GDF10: variants seen among roughly 807,000 people sequenced by gnomAD.
GDF10 encodes growth/differentiation factor 10.
GDF10 carries 23 observed loss-of-function variants against 32.1 expected under a neutral mutation model. The observed-to-expected ratio is 0.72, with a 90% CI of 0.52 to 1.02. GDF10 has a LOEUF of 1.02. Among genes scored for constraint, GDF10 ranks in the 50% least tolerant of loss-of-function variants. GDF10 has a pLI of 0.00. For synonymous variants in GDF10, 328 were observed against 303.1 expected (o/e 1.08, Z -0.85); for missense variants, 764 against 673.9 (o/e 1.13, Z -1.48).
intron 1 of GDF10, among the ~76,000 whole-genome samples, chr10:47,305,560 C>T (rs1403323931): frequency 6.6e-6 from 1 of 152,226 alleles, no homozygotes; most frequent in Admixed American, 6.5e-5. Context: ...CATCTAAGCC[C>T]AGCGTTCTCA....
At position 47,310,135 on chromosome 10, in the gene GDF10, T is replaced by C. The variant is rs1555207534; in HGVS notation, c.659T>C (p.Leu220Pro). The C allele has an allele frequency of 6.2e-7, 1 of 1,611,360 alleles. No individual in the cohort carries two copies. Among genetic ancestry groups the C allele is most frequent in the African/African-American group, 1.3e-5 (1 of 74,890 alleles). The part of the protein sequence containing the change: ...VKAARRDGEL[L>P]LSAQLDSEER... ...GCGGCCCGCCGGGATGGCGAGCTGC[T>C]CCTCTCCGCCCAGCTGGATTCTGAG... Residue 220 changes from leucine (L) to proline (P), a missense_variant, in exon 2 of 3, where the codon CTC (leucine) becomes CCC (proline). Leu to Pro is a moderately conservative substitution (Grantham distance 98). Transcript: ENST00000580279.
Position 47,312,608 on chromosome 10 carries a change from G to A in GDF10, c.1253G>A (p.Arg418His), listed in dbSNP as rs200784028. ...TCCTTTTCTGCCTTGCAGATCGTTC[G>A]TCCATCCAACCATGCCACCATCCAG... ...ACEFPMPKIV[R>H]PSNHATIQSI... The change falls in exon 3 of 3, where the codon CGT (arginine) becomes CAT (histidine). Residue 418 changes from arginine (R) to histidine (H), a missense_variant. Arg to His is a conservative substitution (Grantham distance 29). Coordinates refer to ENST00000580279, the MANE Select transcript of GDF10 (RefSeq NM_004962.5). 3.9e-5 allele frequency: 61 copies of A among 1,581,952 alleles called. No individual in the cohort carries two copies. Among genetic ancestry groups the A allele is most frequent in the South Asian group, 2.3e-4 (20 of 85,226 alleles).
chr10:47,306,316 A>G (rs2061022893), intron 1 of GDF10, among the ~76,000 whole-genome samples: 1 of 152,228 alleles, frequency 6.6e-6, no homozygotes, highest in Admixed American at 6.5e-5. Flanking sequence ...CTCCATTTGG[A>G]TTTGCATCAT....
intron 1 of GDF10, among the ~76,000 whole-genome samples, chr10:47,307,788 G>T (rs1278718796): frequency 6.6e-6 from 1 of 152,258 alleles, no homozygotes; most frequent in African/African-American, 2.4e-5. Flanking sequence ...GTGTTGGCTG[G>T]GTTGCAGCTC....
intron 1 of GDF10, among the ~76,000 whole-genome samples, chr10:47,305,225 A>C (rs1202366551): frequency 6.6e-6 from 1 of 152,208 alleles, no homozygotes; most frequent in Non-Finnish European, 1.5e-5. Flanking sequence ...GAGGGTGGCA[A>C]TAGTTCCTGA....
At chr10:47,303,150 G>T (rs2061010421) in intron 1 of GDF10, among the ~76,000 whole-genome samples, 1 of 152,184 alleles carries the variant, frequency 6.6e-6, no homozygotes, top group Non-Finnish European at 1.5e-5. Context: ...GTCTGAGGAG[G>T]TATGAGTTTG....
intron 1 of GDF10, among the ~76,000 whole-genome samples, chr10:47,307,845 A>G (rs1555207262): frequency 6.6e-6 from 1 of 152,208 alleles, no homozygotes; most frequent in Non-Finnish European, 1.5e-5. Context: ...GATGGAGGGG[A>G]GCTTGCTCTG....
In GDF10 at chr10:47,300,824, G is replaced by A. The variant is rs2061001828; in HGVS notation, c.173G>A (p.Arg58Gln). The A allele has an allele frequency of 2.5e-6, 4 of 1,572,526 alleles. No homozygotes were observed. In the South Asian group the frequency reaches 3.4e-5, roughly 14 times the overall value. ...DGLQGDRDLQRHPGDAAATLG... is the reference protein window; with the variant it reads ...DGLQGDRDLQQHPGDAAATLG... ...CTGCAGGGGGACAGGGATCTCCAGC[G>A]GCACCCTGGGGACGCGGCCGCCACG... is the stretch of plus-strand genomic sequence containing the variant. The change falls in exon 1 of 3, where the codon CGG becomes CAG. Residue 58 changes from arginine to glutamine, a missense_variant. Coordinates refer to ENST00000580279, the MANE Select transcript of GDF10 (RefSeq NM_004962.5).
rs570511590 is a variant in GDF10 at position 47,300,973 on chromosome 10, A to AAGTAG, written c.319+6_319+10dup. On this transcript the variant is annotated splice_donor_region_variant and intron_variant, in intron 1 of 2. Transcript: ENST00000580279. ...CCGCAGCTTCAGGGCCAGGCTGGGTAAGTAGAGGGTGCCCCAGGACCCCTT... is the reference window on the plus strand; with the variant it reads ...CCGCAGCTTCAGGGCCAGGCTGGGTAAGTAGAGTAGAGGGTGCCCCAGGACCCCTT... The AAGTAG allele has an allele frequency of 5.6e-5, 82 of 1,469,752 alleles. 1 individual carries two copies. In the South Asian group the frequency reaches 1.1e-3, roughly 20 times the overall value. 91.0% of individuals were successfully genotyped at this position (1,469,752 alleles called of 1,614,324 possible). A position where few individuals can be genotyped will look rare whatever the true frequency, so the allele number is the denominator to read the frequency against.
rs782431049 is a variant in GDF10 at position 47,300,665 on chromosome 10, C to G, written c.14C>G (p.Pro5Arg). MAHV[P>R]ARTSPGPGPQ... ...CCTCACCACGCCATGGCTCATGTCCCCGCTCGGACCAGCCCGGGACCCGGG... is the reference window on the plus strand; with the variant it reads ...CCTCACCACGCCATGGCTCATGTCCGCGCTCGGACCAGCCCGGGACCCGGG... The change falls in exon 1 of 3, where the codon CCC becomes CGC. Residue 5 changes from proline to arginine, a missense_variant. Pro to Arg is a moderately radical substitution (Grantham distance 103, BLOSUM62 -2). Transcript: ENST00000580279. The G allele has an allele frequency of 5.0e-6, 8 of 1,599,824 alleles. No homozygotes were observed. Among genetic ancestry groups the G allele is most frequent in the Non-Finnish European group, 6.8e-6 (8 of 1,175,356 alleles).
chr10:47,313,039 C>G lies in GDF10; in HGVS notation c.*247C>G, dbSNP rs577458792. 174 of 378,580 alleles carry G rather than the reference C, an allele frequency of 4.6e-4. No individual in the cohort carries two copies. Among genetic ancestry groups the G allele is most frequent in the Non-Finnish European group, 7.3e-4 (155 of 212,434 alleles). 23.5% of individuals were successfully genotyped at this position (378,580 alleles called of 1,614,324 possible). A position where few individuals can be genotyped will look rare whatever the true frequency, so the allele number is the denominator to read the frequency against. Reference sequence around the variant, plus strand: ...TAGCCCTGGCCTGAAAGTGGCCCATCATTCATACCCACTGTTCTGAAGGCT... The same window carrying G: ...TAGCCCTGGCCTGAAAGTGGCCCATGATTCATACCCACTGTTCTGAAGGCT... On this transcript the variant is annotated 3_prime_UTR_variant, in exon 3 of 3. Transcript: ENST00000580279.
At chr10:47,307,632 T>G (rs1248799686) in intron 1 of GDF10, among the ~76,000 whole-genome samples, 1 of 152,154 alleles carries the variant, frequency 6.6e-6, no homozygotes, top group Non-Finnish European at 1.5e-5. Context: ...AGGGCTGAGC[T>G]CCCTCTGGCA....
At chr10:47,304,914 AG>A (rs2061017727) in intron 1 of GDF10, among the ~76,000 whole-genome samples, 1 of 152,236 alleles carries the variant, frequency 6.6e-6, no homozygotes, top group South Asian at 2.1e-4. Context: ...TTACACAGTA[AG>A]GATCTTAACC....
chr10:47,308,547 T>G (rs782517752), intron 1 of GDF10, among the ~76,000 whole-genome samples: 2 of 151,438 alleles, frequency 1.3e-5, no homozygotes, highest in South Asian at 4.2e-4. Context: ...AAGTGGAATA[T>G]TTCTGTTAAA....
At chr10:47,302,553 T>C (rs1180686676) in intron 1 of GDF10, among the ~76,000 whole-genome samples, 1 of 152,226 alleles carries the variant, frequency 6.6e-6, no homozygotes, top group Admixed American at 6.5e-5. Context: ...TCTTGTGTCA[T>C]TCTGTTTTCA....
chr10:47,300,272 C>A lies in GDF10; in HGVS notation c.-380C>A. The A allele has an allele frequency of 5.7e-6, 1 of 174,898 alleles. No homozygotes were observed. The highest frequency in any genetic ancestry group is 1.2e-5 in the Non-Finnish European group (1 of 83,646). 10.8% of individuals were successfully genotyped at this position (174,898 alleles called of 1,614,324 possible). A position where few individuals can be genotyped will look rare whatever the true frequency, so the allele number is the denominator to read the frequency against. On this transcript the variant is annotated 5_prime_UTR_variant, in exon 1 of 3. Coordinates refer to ENST00000580279, the MANE Select transcript of GDF10 (RefSeq NM_004962.5). ...TGCAGCCCCAGAGGTCCGGGGCGCG[C>A]AGCCGGGTCCCCTCGAGGGCGCAGC...
intron 1 of GDF10, among the ~76,000 whole-genome samples, chr10:47,309,315 T>G (rs1169334390): frequency 2.0e-5 from 3 of 152,210 alleles, no homozygotes; most frequent in African/African-American, 7.2e-5. Context: ...AATGATTGCA[T>G]TTAAAAACTG....
Position 47,310,371 on chromosome 10 carries a change from C to G in GDF10, c.895C>G (p.Gln299Glu), listed in dbSNP as rs782003165. Residue 299 changes from glutamine (Q) to glutamate (E), a missense_variant, in exon 2 of 3, where the codon CAG (glutamine) becomes GAG (glutamate). Physicochemically the swap from Gln to Glu is conservative, Grantham distance 29. Coordinates refer to ENST00000580279, the MANE Select transcript of GDF10 (RefSeq NM_004962.5). ...RRAAQATGPLQDNELPGLDER... is the reference protein window; with the variant it reads ...RRAAQATGPLEDNELPGLDER... ...AGCCGCGCAGGCCACTGGGCCCCTC[C>G]AGGACAACGAGCTGCCGGGGCTGGA... is the stretch of plus-strand genomic sequence containing the variant. 8 of 1,607,476 alleles carry G rather than the reference C, an allele frequency of 5.0e-6. No homozygotes were observed. The highest frequency in any genetic ancestry group is 6.8e-6 in the Non-Finnish European group (8 of 1,177,904).
intron 1 of GDF10, among the ~76,000 whole-genome samples, chr10:47,305,472 A>G (rs1399529764): frequency 2.0e-5 from 3 of 152,158 alleles, no homozygotes; most frequent in Non-Finnish European, 2.9e-5. Context: ...CTAAGTACTA[A>G]ATCTGTGTTA....
Sources: allele counts gnomAD v4.1 joint callset (sites outside exome capture counted in the v4.1 genomes callset), GRCh38; gene constraint gnomAD v4.1.1; transcripts MANE v1.5; gene names NCBI Gene and HGNC (gene_info 2026-07-23, HGNC 2026-07-21).